Variants in LSAMP observed in about 807,000 individuals in gnomAD.
LSAMP encodes limbic system-associated membrane protein.
LSAMP carries 7 observed loss-of-function variants against 38.6 expected under a neutral mutation model. The observed-to-expected ratio is 0.18, with a 90% CI of 0.10 to 0.34. The LOEUF is 0.34. LSAMP is among the 10% of genes least tolerant of loss of function. The pLI, the probability that LSAMP is intolerant of heterozygous loss-of-function variation, is 1.00. For missense variants in LSAMP, 313 were observed against 420.0 expected, an observed-to-expected ratio of 0.75 and a Z score of 2.23; for synonymous variants, 154 against 166.8, an observed-to-expected ratio of 0.92 and a Z score of 0.59.
chr3:115,904,780 C>T (rs922295752), intron 3 of LSAMP, among the ~76,000 whole-genome samples: 3 of 152,122 alleles, frequency 2.0e-5, no homozygotes, highest in African/African-American at 7.2e-5. Flanking sequence ...TTTCCAACCT[C>T]GTAATTTACC....
chr3:116,125,860 G>T (rs185585156), intron 1 of LSAMP, among the ~76,000 whole-genome samples: 110 of 152,300 alleles, frequency 7.2e-4, no homozygotes, highest in African/African-American at 2.6e-3. Context: ...GACAGTAAGG[G>T]TTAGATTAAG....
intron 1 of LSAMP, among the ~76,000 whole-genome samples, chr3:116,139,491 T>C (rs1487119566): frequency 6.6e-6 from 1 of 151,990 alleles, no homozygotes; most frequent in East Asian, 1.9e-4. Flanking sequence ...AATTCTGTCT[T>C]CAAAATTTTA....
chr3:116,224,145 A>T (rs1035063340), intron 1 of LSAMP, among the ~76,000 whole-genome samples: 3 of 152,196 alleles, frequency 2.0e-5, no homozygotes, highest in African/African-American at 7.2e-5. Flanking sequence ...CAAGTTCAAG[A>T]TCATAACCTC....
intron 1 of LSAMP, among the ~76,000 whole-genome samples, chr3:116,157,043 A>T (rs969598898): frequency 6.6e-6 from 1 of 152,152 alleles, no homozygotes; most frequent in Non-Finnish European, 1.5e-5. Context: ...GAGGTGATCA[A>T]TCTTAGCCCA....
chr3:116,046,696 C>A (rs533485541), intron 2 of LSAMP, among the ~76,000 whole-genome samples: 2 of 152,176 alleles, frequency 1.3e-5, no homozygotes, highest in Non-Finnish European at 2.9e-5. Context: ...TGCTAGGGAG[C>A]CTTGGCAGTT....
At position 116,208,408 on chromosome 3, in the gene LSAMP, G is replaced by A. The variant is rs1255070042; in HGVS notation, c.156-121852C>T. ...AGCCTTCTTCTCTCAGCTCATCAAAGTCATTCTCCGTCTAGCTTTGTTCCG... is the reference window on the plus strand; with the variant it reads ...AGCCTTCTTCTCTCAGCTCATCAAAATCATTCTCCGTCTAGCTTTGTTCCG... On this transcript the variant is annotated intron_variant, in intron 1 of 6. Transcript: ENST00000490035. Among the ~76,000 whole-genome samples the A allele has an allele frequency of 2.6e-5, 4 of 152,172 alleles. No homozygotes were observed. The East Asian group carries it at 5.8e-4, about 22-fold the overall frequency.
chr3:116,442,223 TG>T (rs2049445705), intron 1 of LSAMP, among the ~76,000 whole-genome samples: 1 of 152,148 alleles, frequency 6.6e-6, no homozygotes, highest in East Asian at 1.9e-4. Context: ...GTAAATGTTT[TG>T]GGGACAGACA....
At chr3:116,294,168 G>T (rs2047301090) in intron 1 of LSAMP, among the ~76,000 whole-genome samples, 1 of 152,126 alleles carries the variant, frequency 6.6e-6, no homozygotes, top group Non-Finnish European at 1.5e-5. Flanking sequence ...CCCATAGGTA[G>T]CTGGGGTACA....
chr3:116,057,136 T>C (rs1294665926), intron 2 of LSAMP, among the ~76,000 whole-genome samples: 1 of 152,180 alleles, frequency 6.6e-6, no homozygotes, highest in Non-Finnish European at 1.5e-5. Context: ...CTATCCTATT[T>C]GTGGTTGTTG....
chr3:116,112,547 C>T (rs1708639107), intron 1 of LSAMP, among the ~76,000 whole-genome samples: 1 of 152,190 alleles, frequency 6.6e-6, no homozygotes, highest in African/African-American at 2.4e-5. Flanking sequence ...AATCCCTACT[C>T]AGTCCTTCAG....
chr3:116,416,651 C>G (rs1419734671), intron 1 of LSAMP, among the ~76,000 whole-genome samples: 1 of 152,088 alleles, frequency 6.6e-6, no homozygotes, highest in Non-Finnish European at 1.5e-5. Flanking sequence ...CCAGGACAAA[C>G]CTAATGTCTT....
chr3:116,399,123 G>T (rs567539726), intron 1 of LSAMP, among the ~76,000 whole-genome samples: 1 of 152,296 alleles, frequency 6.6e-6, no homozygotes, highest in African/African-American at 2.4e-5. Context: ...GGCAGAAAAT[G>T]ATTTAAAATA....
At chr3:116,383,794 AT>A (rs2048592042) in intron 1 of LSAMP, among the ~76,000 whole-genome samples, 1 of 152,148 alleles carries the variant, frequency 6.6e-6, no homozygotes, top group Non-Finnish European at 1.5e-5. Context: ...TGCCAGGATT[AT>A]CCCTAGTGAA....
chr3:116,430,881 T>C (rs2049271346), intron 1 of LSAMP, among the ~76,000 whole-genome samples: 1 of 152,092 alleles, frequency 6.6e-6, no homozygotes, highest in South Asian at 2.1e-4. Flanking sequence ...TTAAATTATG[T>C]CCTATTTAAA....
intron 1 of LSAMP, among the ~76,000 whole-genome samples, chr3:116,408,090 A>C (rs2048921807): frequency 6.6e-6 from 1 of 152,096 alleles, no homozygotes; most frequent in African/African-American, 2.4e-5. Context: ...GACTCTGAGA[A>C]ATATGTTCTT....
chr3:116,274,531 AT>A (rs2047021447), intron 1 of LSAMP, among the ~76,000 whole-genome samples: 2 of 152,158 alleles, frequency 1.3e-5, no homozygotes, highest in Admixed American at 1.3e-4. Context: ...ATGTGCTATA[AT>A]TTCAGTAAAT....
intron 1 of LSAMP, among the ~76,000 whole-genome samples, chr3:116,206,105 T>C (rs1365943282): frequency 1.3e-5 from 2 of 151,028 alleles, no homozygotes; most frequent in Admixed American, 1.3e-4. Flanking sequence ...TATTCAGAGA[T>C]TCAACTTCTT....
rs371214874 is a variant in LSAMP at position 115,812,599 on chromosome 3, T to C, written c.920-2185A>G. Among the ~76,000 whole-genome samples, 5 of 152,256 alleles carry C rather than the reference T, an allele frequency of 3.3e-5. No homozygotes were observed. In the South Asian group the frequency reaches 6.2e-4, roughly 19 times the overall value. On this transcript the variant is annotated intron_variant, in intron 6 of 6. Transcript: ENST00000490035. ...AACCTTTTAGTCTTTCTATGTACAC[T>C]AGATGGCAAGAGCTCCTTGGCATGT...
intron 4 of LSAMP, among the ~76,000 whole-genome samples, chr3:115,849,846 C>A (rs73140492): frequency 0.16 from 23,731 of 152,004 alleles, 2,315 homozygotes; most frequent in Non-Finnish European, 0.23. Context: ...AAGGTGATTC[C>A]AAAGGAAATT....
Sources: allele counts gnomAD v4.1 joint callset (sites outside exome capture counted in the v4.1 genomes callset), GRCh38; gene constraint gnomAD v4.1.1; transcripts MANE v1.5; gene names NCBI Gene and HGNC (gene_info 2026-07-23, HGNC 2026-07-21).